Variants in HCN1 observed in about 807,000 individuals in gnomAD.
HCN1 encodes potassium/sodium hyperpolarization-activated cyclic nucleotide-gated channel 1.
In HCN1, 13 loss-of-function variants were observed where a neutral mutation model predicts 78.9. The observed-to-expected ratio is 0.16, with a 90% CI of 0.11 to 0.26. HCN1 has a LOEUF of 0.26. HCN1 is among the 10% of genes least tolerant of loss of function. HCN1 has a pLI of 1.00. For missense variants in HCN1, 810 were observed against 1,154.3 expected (o/e 0.70, Z 4.32); for synonymous variants, 552 against 455.5 (o/e 1.21, Z -2.70).
At chr5:45,262,943 T>C in intron 7 of HCN1, 133 bp from the exon 8 acceptor site, 1 of 871,112 alleles carries the variant, frequency 1.1e-6, no homozygotes, top group Admixed American at 2.1e-5. Flanking sequence ...GTCACTCACC[T>C]TTACACACCA....
chr5:45,434,685 G>T (rs1237963559), intron 3 of HCN1, among the ~76,000 whole-genome samples: 1 of 152,166 alleles, frequency 6.6e-6, no homozygotes, highest in Non-Finnish European at 1.5e-5. Flanking sequence ...TTGGCACATA[G>T]AGGATTATAT....
At chr5:45,372,815 T>C (rs867514577) in intron 4 of HCN1, among the ~76,000 whole-genome samples, 1 of 140,116 alleles carries the variant, frequency 7.1e-6, no homozygotes, top group African/African-American at 2.7e-5. Context: ...TATACACAAA[T>C]ATATGTACGT....
At chr5:45,656,799 A>T (rs971498361) in intron 1 of HCN1, among the ~76,000 whole-genome samples, 2 of 152,160 alleles carry the variant, frequency 1.3e-5, no homozygotes, top group Non-Finnish European at 2.9e-5. Context: ...TTCCTTCAAA[A>T]TGATTTTCTA....
chr5:45,366,215 T>A (rs1409114007), intron 4 of HCN1, among the ~76,000 whole-genome samples: 1 of 151,390 alleles, frequency 6.6e-6, no homozygotes, highest in African/African-American at 2.4e-5. Flanking sequence ...CTCTTCTTTG[T>A]ATGTTATGTG....
chr5:45,578,898 G>T (rs1473558107), intron 2 of HCN1, among the ~76,000 whole-genome samples: 1 of 151,910 alleles, frequency 6.6e-6, no homozygotes, highest in Non-Finnish European at 1.5e-5. Flanking sequence ...TAAATTAAAA[G>T]CAATACCTGT....
At chr5:45,313,316 G>C (rs1458579595) in intron 5 of HCN1, among the ~76,000 whole-genome samples, 1 of 152,138 alleles carries the variant, frequency 6.6e-6, no homozygotes, top group Admixed American at 6.5e-5. Context: ...CTGACTGTTA[G>C]AAGGAAAACT....
Position 45,259,226 on chromosome 5 carries a change from GATAAA to G in HCN1, c.*2690_*2694del, listed in dbSNP as rs1744681977. On this transcript the variant is annotated 3_prime_UTR_variant, in exon 8 of 8. Coordinates refer to ENST00000303230, the MANE Select transcript of HCN1 (RefSeq NM_021072.4). ...ATAAAACATTTGATTAGCATATATT[GATAAA>G]ATAAAATATTCATGATTGTAGTTTA... 2 of 151,670 alleles carry G rather than the reference GATAAA, an allele frequency of 1.3e-5. No homozygotes were observed. Among genetic ancestry groups the G allele is most frequent in the South Asian group, 2.1e-4 (1 of 4,826 alleles). 9.4% of individuals were successfully genotyped at this position (151,670 alleles called of 1,614,324 possible).
At chr5:45,521,347 A>G (rs1742609999) in intron 2 of HCN1, among the ~76,000 whole-genome samples, 1 of 151,928 alleles carries the variant, frequency 6.6e-6, no homozygotes, top group African/African-American at 2.4e-5. Flanking sequence ...CACAGACTAG[A>G]TAGATTTGAA....
chr5:45,446,421 T>C (rs1357827737), intron 3 of HCN1, among the ~76,000 whole-genome samples: 1 of 152,124 alleles, frequency 6.6e-6, no homozygotes, highest in Non-Finnish European at 1.5e-5. Context: ...TTGGTGTACC[T>C]GAAAGTGACG....
At chr5:45,296,804 C>G (rs570124930) in intron 6 of HCN1, among the ~76,000 whole-genome samples, 3 of 152,070 alleles carry the variant, frequency 2.0e-5, no homozygotes, top group East Asian at 3.9e-4. Context: ...GAGAATGATT[C>G]AAGCAAACTA....
chr5:45,580,421 A>G (rs1176919332), intron 2 of HCN1, among the ~76,000 whole-genome samples: 1 of 151,994 alleles, frequency 6.6e-6, no homozygotes, highest in Non-Finnish European at 1.5e-5. Flanking sequence ...GCAATGAAAC[A>G]ACTCCCCCAC....
intron 1 of HCN1, among the ~76,000 whole-genome samples, chr5:45,656,487 G>A (rs1048163040): frequency 6.6e-6 from 1 of 152,194 alleles, no homozygotes; most frequent in African/African-American, 2.4e-5. Flanking sequence ...CAAACATAGT[G>A]CTAGTCCATG....
At chr5:45,326,902 C>T (rs74841079) in intron 5 of HCN1, among the ~76,000 whole-genome samples, 2 of 151,646 alleles carry the variant, frequency 1.3e-5, no homozygotes, top group East Asian at 2.0e-4. Context: ...TGTTAAGGTA[C>T]CATGCAGAAT....
chr5:45,683,825 C>T (rs1278020428), intron 1 of HCN1, among the ~76,000 whole-genome samples: 17 of 152,000 alleles, frequency 1.1e-4, no homozygotes, highest in Admixed American at 1.1e-3. Context: ...CATGCATCTC[C>T]ATGCCTGCCT....
chr5:45,406,032 T>G (rs1261069389), intron 3 of HCN1, among the ~76,000 whole-genome samples: 2 of 152,174 alleles, frequency 1.3e-5, no homozygotes, highest in Admixed American at 1.3e-4. Flanking sequence ...TCTTATTTTT[T>G]TGATATTGGT....
intron 3 of HCN1, among the ~76,000 whole-genome samples, chr5:45,402,824 C>T (rs1295018971): frequency 4.6e-5 from 6 of 130,534 alleles, no homozygotes; most frequent in Non-Finnish European, 9.4e-5. Flanking sequence ...TCCTTCCTTC[C>T]TTCCTTCCTT....
At chr5:45,345,247 G>A (rs912362115) in intron 5 of HCN1, among the ~76,000 whole-genome samples, 3 of 152,160 alleles carry the variant, frequency 2.0e-5, no homozygotes, top group Non-Finnish European at 2.9e-5. Flanking sequence ...GGCAGCCTGT[G>A]GGCCCAGCTC....
rs137859986 is a variant in HCN1, at chr5:45,383,804, T to A, written c.1230+12688A>T. On this transcript the variant is annotated intron_variant, in intron 4 of 7. Coordinates refer to ENST00000303230, the MANE Select transcript of HCN1 (RefSeq NM_021072.4). ...TAACTTGGGTTATTTCCAGATAATA[T>A]AAAATGTTTGTTTTTTCCACAATAT... Among the ~76,000 whole-genome samples, 346 of 152,040 alleles carry A rather than the reference T, an allele frequency of 2.3e-3. 2 individuals are homozygous for A. Among genetic ancestry groups the A allele is most frequent in the African/African-American group, 7.8e-3 (323 of 41,486 alleles).
intron 2 of HCN1, among the ~76,000 whole-genome samples, chr5:45,566,786 C>T (rs1047301647): frequency 1.3e-5 from 2 of 152,166 alleles, no homozygotes; most frequent in Non-Finnish European, 2.9e-5. Flanking sequence ...ACGGGTTCCT[C>T]CCTATGAGGA....
Sources: gnomAD v4.1 joint callset for allele counts (sites outside exome capture counted in the v4.1 genomes callset) on GRCh38, gnomAD v4.1.1 for gene constraint, MANE v1.5 for transcripts, NCBI Gene and HGNC (gene_info 2026-07-23, HGNC 2026-07-21) for gene names.